Variants in PRKG1 observed in about 807,000 individuals in gnomAD.
PRKG1 encodes cGMP-dependent protein kinase 1.
In PRKG1, 35 loss-of-function variants were observed where a neutral mutation model predicts 88.1. The observed-to-expected ratio is 0.40, with a 90% CI of 0.30 to 0.53. The LOEUF is 0.53. Ranked by LOEUF, PRKG1 falls within the 20% of genes least tolerant of loss-of-function variation. The pLI is 0.59. For synonymous variants in PRKG1, 303 were observed against 292.5 expected, an observed-to-expected ratio of 1.04 and a Z score of -0.37; for missense variants, 540 against 839.8, an observed-to-expected ratio of 0.64 and a Z score of 4.41.
chr10:51,800,641 A>G (rs953015742), intron 3 of PRKG1, among the ~76,000 whole-genome samples: 5 of 152,164 alleles, frequency 3.3e-5, no homozygotes, highest in African/African-American at 1.2e-4. Context: ...CATCTGTACC[A>G]TAGACTGGAT....
At chr10:51,158,330 G>C (rs777893215) in intron 2 of PRKG1, among the ~76,000 whole-genome samples, 1 of 151,804 alleles carries the variant, frequency 6.6e-6, no homozygotes, top group African/African-American at 2.4e-5. Context: ...TGAAATACAC[G>C]TCTTAGCCTT....
At chr10:52,287,872 A>T (rs537580281) in intron 14 of PRKG1, among the ~76,000 whole-genome samples, 20 of 152,150 alleles carry the variant, frequency 1.3e-4, no homozygotes, top group African/African-American at 4.8e-4. Flanking sequence ...ATAAATATTT[A>T]TTGCCTCCTT....
At chr10:51,075,012 T>A (rs1843910631) in intron 1 of PRKG1, 111 bp downstream of exon 1, 2 of 1,385,436 alleles carry the variant, frequency 1.4e-6, no homozygotes, top group South Asian at 1.5e-5. Context: ...TCTGTCCTCA[T>A]CCTCAGAAAT....
At chr10:51,393,227 G>A (rs1008419575) in intron 2 of PRKG1, among the ~76,000 whole-genome samples, 33 of 149,040 alleles carry the variant, frequency 2.2e-4, no homozygotes, top group Non-Finnish European at 4.0e-4. Flanking sequence ...CAGACAGGGC[G>A]GCGGGGCAGA....
At chr10:51,917,371 T>C (rs1842366267) in intron 5 of PRKG1, among the ~76,000 whole-genome samples, 2 of 151,864 alleles carry the variant, frequency 1.3e-5, no homozygotes, top group African/African-American at 4.8e-5. Flanking sequence ...ATAAAAACAT[T>C]CTAAAATTTG....
intron 4 of PRKG1, among the ~76,000 whole-genome samples, chr10:51,870,441 T>C (rs1437275456): frequency 6.6e-6 from 1 of 151,844 alleles, no homozygotes; most frequent in Non-Finnish European, 1.5e-5. Context: ...ATTTTGTCCC[T>C]AATGTACTGA....
At chr10:51,949,832 T>C (rs1352225047) in intron 5 of PRKG1, among the ~76,000 whole-genome samples, 1 of 152,214 alleles carries the variant, frequency 6.6e-6, no homozygotes, top group Non-Finnish European at 1.5e-5. Context: ...TCAGAGGGTG[T>C]CTTCTCAGAT....
chr10:52,127,526 G>T (rs1477906064), intron 7 of PRKG1, among the ~76,000 whole-genome samples: 1 of 152,118 alleles, frequency 6.6e-6, no homozygotes, highest in Non-Finnish European at 1.5e-5. Context: ...GGCTAGGGAT[G>T]AAATGTCAAC....
chr10:51,634,361 A>G (rs1839602029), intron 3 of PRKG1, among the ~76,000 whole-genome samples: 1 of 152,184 alleles, frequency 6.6e-6, no homozygotes, highest in Non-Finnish European at 1.5e-5. Context: ...AGTAGGATAC[A>G]TGAGAACATA....
intron 4 of PRKG1, among the ~76,000 whole-genome samples, chr10:51,840,734 C>T (rs771502655): frequency 8.6e-5 from 13 of 151,972 alleles, no homozygotes; most frequent in African/African-American, 1.2e-4. Context: ...TTAGCAGAGA[C>T]GGGGTTTTGC....
intron 5 of PRKG1, among the ~76,000 whole-genome samples, chr10:51,996,757 A>G (rs1359397935): frequency 2.0e-5 from 3 of 152,218 alleles, no homozygotes; most frequent in Non-Finnish European, 4.4e-5. Context: ...TGGAACCCCC[A>G]TATAATATAA....
At chr10:51,698,950 C>T (rs753099523) in intron 3 of PRKG1, 6 of 1,614,234 alleles carry the variant, frequency 3.7e-6, no homozygotes, top group Non-Finnish European at 4.2e-6. Context: ...TGCCTGGGAT[C>T]AGTGGTGTGA....
At chr10:51,939,347 G>A (rs1412221273) in intron 5 of PRKG1, among the ~76,000 whole-genome samples, 3 of 151,876 alleles carry the variant, frequency 2.0e-5, no homozygotes, top group African/African-American at 7.3e-5. Flanking sequence ...GTTGTGATTG[G>A]TACTGGATCC....
intron 2 of PRKG1, among the ~76,000 whole-genome samples, chr10:51,164,295 A>G (rs1415066608): frequency 6.6e-6 from 1 of 152,200 alleles, no homozygotes; most frequent in Non-Finnish European, 1.5e-5. Context: ...CAGGGTCTGG[A>G]GTGGACCGCT....
At chr10:51,117,411 A>G (rs1845154223) in intron 1 of PRKG1, among the ~76,000 whole-genome samples, 1 of 152,230 alleles carries the variant, frequency 6.6e-6, no homozygotes, top group Non-Finnish European at 1.5e-5. Context: ...TTCACAGGCA[A>G]TAATTGAGGT....
intron 3 of PRKG1, among the ~76,000 whole-genome samples, chr10:51,561,237 A>G (rs12253042): frequency 0.15 from 22,607 of 151,962 alleles, 1,874 homozygotes; most frequent in African/African-American, 0.22. Flanking sequence ...AGCTAAGGCA[A>G]GAGAATCATG....
intron 2 of PRKG1, among the ~76,000 whole-genome samples, chr10:51,353,451 GA>G: frequency 6.6e-6 from 1 of 151,768 alleles, no homozygotes; most frequent in South Asian, 2.1e-4. Flanking sequence ...AACTCTACAG[GA>G]AAAAAGTATA....
At chr10:51,937,423 G>A (rs937969289) in intron 5 of PRKG1, among the ~76,000 whole-genome samples, 4 of 151,992 alleles carry the variant, frequency 2.6e-5, no homozygotes, top group Non-Finnish European at 5.9e-5. Flanking sequence ...AAGCTATTAT[G>A]TGCTCTCAGA....
At chr10:51,326,490 T>C (rs953604758) in intron 2 of PRKG1, among the ~76,000 whole-genome samples, 1 of 152,232 alleles carries the variant, frequency 6.6e-6, no homozygotes, top group Non-Finnish European at 1.5e-5. Flanking sequence ...TAGTAAATTC[T>C]TTTTTCATTA....
Sources: allele counts gnomAD v4.1 joint callset (sites outside exome capture counted in the v4.1 genomes callset), GRCh38; gene constraint gnomAD v4.1.1; transcripts MANE v1.5; gene names NCBI Gene and HGNC (gene_info 2026-07-23, HGNC 2026-07-21).